The following CAMKK2 variants were observed in gnomAD, a reference collection of about 807,000 sequenced individuals.
The protein encoded by CAMKK2 is calcium/calmodulin-dependent protein kinase kinase 2.
A neutral mutation model predicts 67.2 loss-of-function variants in CAMKK2; 30 were observed. The ratio of observed to expected loss-of-function variants is 0.45; its 90% CI spans 0.33 to 0.61. CAMKK2 has a LOEUF of 0.61. CAMKK2 is among the 20% of genes least tolerant of loss of function. The probability of loss-of-function intolerance (pLI) is 0.02; values close to 1 mark genes in which losing one functional copy is unlikely to be tolerated. For missense variants in CAMKK2, 643 were observed against 802.0 expected (o/e 0.80, Z 2.39); for synonymous variants, 322 against 326.2 (o/e 0.99, Z 0.14).
intron 1 of CAMKK2, among the ~76,000 whole-genome samples, chr12:121,277,053 G>T (rs1250585626): frequency 6.6e-6 from 1 of 152,320 alleles, no homozygotes; most frequent in East Asian, 1.9e-4. Context: ...GCTCCCTGGA[G>T]GATCTGGCTG....
intron 1 of CAMKK2, among the ~76,000 whole-genome samples, chr12:121,280,724 G>GTCTCCCATAGCGCTCCCA (rs1443345668): frequency 6.6e-6 from 1 of 152,064 alleles, no homozygotes. Context: ...ATAGACTCCA[G>GTCTCCCATAGCGCTCCCA]TCTCCCATAG....
Position 121,238,863 on chromosome 12 carries a change from T to C in CAMKK2, c.*1836A>G, listed in dbSNP as rs1653588. On this transcript the variant is annotated 3_prime_UTR_variant, in exon 17 of 17. Transcript: ENST00000404169. ...CTTATTGCAAACTAACCAAGCCCCA[T>C]CTGGTGCCAGAAGGGGTGGAGCTAT... 1 of 152,522 alleles carries C rather than the reference T, an allele frequency of 6.6e-6. No individual in the cohort carries two copies. The highest frequency in any genetic ancestry group is 6.5e-5 in the Admixed American group (1 of 15,268). The allele number at this position is 152,522 out of a possible 1,614,324, so 9.4% of individuals were successfully genotyped here.
chr12:121,266,056 C>T (rs756358022), intron 5 of CAMKK2, among the ~76,000 whole-genome samples: 6 of 152,076 alleles, frequency 3.9e-5, no homozygotes, highest in Admixed American at 1.3e-4. Flanking sequence ...CTCAGCCTCC[C>T]GAGTAGCTAG....
At chr12:121,247,369 C>CA (rs1374600069) in intron 14 of CAMKK2, among the ~76,000 whole-genome samples, 1 of 152,204 alleles carries the variant, frequency 6.6e-6, no homozygotes, top group African/African-American at 2.4e-5. Flanking sequence ...ACTCGGTGTT[C>CA]AACAAGTGTT....
chr12:121,250,072 G>A lies in CAMKK2; in HGVS notation c.1162-38C>T, dbSNP rs200981407. 1.9e-4 allele frequency: 292 copies of A among 1,531,316 alleles called. 2 individuals are homozygous for A. Among genetic ancestry groups the A allele is most frequent in the Admixed American group, 2.7e-4 (15 of 56,086 alleles). The allele number at this position is 1,531,316 out of a possible 1,614,324, so 94.9% of individuals were successfully genotyped here. A position where few individuals can be genotyped will look rare whatever the true frequency, so the allele number is the denominator to read the frequency against. ...CAGGGACAGAGTGGCAGTCAATGGCGGCCACATCTGCCCTTCGAGGGCCAC... is the reference window on the plus strand; with the variant it reads ...CAGGGACAGAGTGGCAGTCAATGGCAGCCACATCTGCCCTTCGAGGGCCAC... On this transcript the variant is annotated intron_variant, in intron 11 of 16. Coordinates refer to ENST00000404169, the MANE Select transcript of CAMKK2 (RefSeq NM_001270485.2).
At chr12:121,276,938 G>A (rs1896945800) in intron 1 of CAMKK2, among the ~76,000 whole-genome samples, 1 of 151,104 alleles carries the variant, frequency 6.6e-6, no homozygotes, top group South Asian at 2.1e-4. Context: ...CAGGAAAACA[G>A]TGAGGGCTCA....
chr12:121,260,109 T>C (rs931741932), intron 7 of CAMKK2, among the ~76,000 whole-genome samples: 5 of 152,204 alleles, frequency 3.3e-5, no homozygotes, highest in African/African-American at 1.2e-4. Context: ...TGCAAATGAA[T>C]GAATAGGATC....
chr12:121,246,941 T>A (rs1889601861), intron 14 of CAMKK2, among the ~76,000 whole-genome samples: 1 of 152,034 alleles, frequency 6.6e-6, no homozygotes, highest in South Asian at 2.1e-4. Flanking sequence ...GCAGGGGGCC[T>A]GGACCTTGCC....
At chr12:121,269,656 T>C (rs1895330058) in intron 3 of CAMKK2, 75 bp from the exon 4 acceptor site, 3 of 1,170,098 alleles carry the variant, frequency 2.6e-6, no homozygotes, top group Middle Eastern at 1.9e-4. Flanking sequence ...AATACAGACG[T>C]TGCAAACCGG....
intron 7 of CAMKK2, among the ~76,000 whole-genome samples, chr12:121,258,087 C>T (rs898042109): frequency 6.7e-6 from 1 of 149,980 alleles, no homozygotes; most frequent in Admixed American, 6.7e-5. Context: ...TGCAATGGCA[C>T]GATCTCGGTT....
intron 7 of CAMKK2, among the ~76,000 whole-genome samples, chr12:121,256,144 C>T (rs2893895): frequency 0.25 from 37,728 of 152,144 alleles, 5,177 homozygotes; most frequent in Non-Finnish European, 0.3. Context: ...TCTGGGAGGC[C>T]GAGGTGGGCG....
At chr12:121,280,025 AC>A (rs1234767257) in intron 1 of CAMKK2, among the ~76,000 whole-genome samples, 7 of 149,014 alleles carry the variant, frequency 4.7e-5, no homozygotes, top group Non-Finnish European at 2.9e-5. Context: ...CCTGGGCACA[AC>A]AAAAAGGCCC....
rs112497991 is a variant in CAMKK2 at position 121,241,034 on chromosome 12, C to T, written c.1597-165G>A. 4.3e-3 allele frequency among the ~76,000 whole-genome samples: 662 copies of T among 152,324 alleles called. 8 individuals are homozygous for T. Among genetic ancestry groups the T allele is most frequent in the African/African-American group, 0.015 (627 of 41,566 alleles). ...TTGAGATCCTCTCCCCTTTTCCTTG[C>T]TCACATAAATTTTTCAAAGGAGACT... On this transcript the variant is annotated intron_variant, in intron 16 of 16. Coordinates refer to ENST00000404169, the MANE Select transcript of CAMKK2 (RefSeq NM_001270485.2).
rs143579828 is a variant in CAMKK2 at position 121,262,316 on chromosome 12, T to G, written c.759+1490A>C. Among the ~76,000 whole-genome samples the G allele has an allele frequency of 4.9e-3, 742 of 152,074 alleles. 8 individuals are homozygous for G. Among genetic ancestry groups the G allele is most frequent in the African/African-American group, 0.017 (707 of 41,482 alleles). On this transcript the variant is annotated intron_variant, in intron 6 of 16. Coordinates refer to ENST00000404169, the MANE Select transcript of CAMKK2 (RefSeq NM_001270485.2). Reference sequence around the variant, plus strand: ...TCACGAGTTCAGGAGATCAAGACCATCCTGACTAACACGGTGAAACCCCAT... The same window carrying G: ...TCACGAGTTCAGGAGATCAAGACCAGCCTGACTAACACGGTGAAACCCCAT...
Position 121,249,855 on chromosome 12 carries a change from A to T in CAMKK2, c.1255T>A (p.Leu419Met), listed in dbSNP as rs1459757320. ...FPDQPDIAEDLKDLITRMLDK... is the reference protein window; with the variant it reads ...FPDQPDIAEDMKDLITRMLDK... ...AGCATACGGGTGATCAGGTCCTTCA[A>T]GTCCTCAGCTATGTCGGGCCTGGGG... The change falls in exon 13 of 17, where the codon TTG (leucine) becomes ATG (methionine). Residue 419 changes from leucine (L) to methionine (M), a missense_variant. Physicochemically the swap from Leu to Met is conservative, Grantham distance 15. This residue lies in a region of CAMKK2 where 483 missense variants were observed against 625.8 expected (regional missense o/e 0.77). Coordinates refer to ENST00000404169, the MANE Select transcript of CAMKK2 (RefSeq NM_001270485.2). 1 of 1,614,152 alleles carries T rather than the reference A, an allele frequency of 6.2e-7. No individual in the cohort carries two copies. Among genetic ancestry groups the T allele is most frequent in the Non-Finnish European group, 8.5e-7 (1 of 1,179,986 alleles).
chr12:121,290,753 G>A (rs1326222733), intron 1 of CAMKK2, among the ~76,000 whole-genome samples: 1 of 152,172 alleles, frequency 6.6e-6, no homozygotes, highest in Non-Finnish European at 1.5e-5. Flanking sequence ...GACTGTCCCT[G>A]AAAATTGTAA....
rs146930927 is a variant in CAMKK2 at position 121,251,235 on chromosome 12, C to T, written c.1162-1201G>A. Reference sequence around the variant, plus strand: ...GATGGTGGTAACTTACTCTGAAATACATTAAGAAACCAGATGGACTGAGGG... The same window carrying T: ...GATGGTGGTAACTTACTCTGAAATATATTAAGAAACCAGATGGACTGAGGG... On this transcript the variant is annotated intron_variant, in intron 11 of 16. Coordinates refer to ENST00000404169, the MANE Select transcript of CAMKK2 (RefSeq NM_001270485.2). 4.3e-4 allele frequency among the ~76,000 whole-genome samples: 66 copies of T among 152,252 alleles called. 1 individual carries two copies. Among genetic ancestry groups the T allele is most frequent in the East Asian group, 3.3e-3 (17 of 5,176 alleles).
Position 121,269,316 on chromosome 12 carries a change from G to C in CAMKK2, c.573+212C>G, listed in dbSNP as rs182837838. Among the ~76,000 whole-genome samples, 223 of 152,294 alleles carry C rather than the reference G, an allele frequency of 1.5e-3. 2 individuals carry two copies. Among genetic ancestry groups the C allele is most frequent in the African/African-American group, 5.2e-3 (217 of 41,564 alleles). On this transcript the variant is annotated intron_variant, in intron 4 of 16. Coordinates refer to ENST00000404169, the MANE Select transcript of CAMKK2 (RefSeq NM_001270485.2). ...AGGAAGGGCATAAAAGCCTTTTGCT[G>C]AATGAGTAACTTTTTCTGGGCCAAT... is the stretch of plus-strand genomic sequence containing the variant.
chr12:121,248,581 T>C (rs1051206756), intron 14 of CAMKK2, 25 bp downstream of exon 14: 6 of 1,613,928 alleles, frequency 3.7e-6, no homozygotes, highest in Non-Finnish European at 4.2e-6. Context: ...GTCCCTGCTC[T>C]GGGTCAGGGG....
Sources: gnomAD v4.1 joint callset for allele counts (sites outside exome capture counted in the v4.1 genomes callset) on GRCh38, gnomAD v4.1.1 for gene constraint, gnomAD v4.1.1 regional missense constraint, MANE v1.5 for transcripts, NCBI Gene and HGNC (gene_info 2026-07-23, HGNC 2026-07-21) for gene names.